UBE2V2: variants seen among roughly 807,000 people sequenced by gnomAD.
UBE2V2 encodes ubiquitin-conjugating enzyme E2 variant 2.
In UBE2V2, 9 loss-of-function variants were observed where a neutral mutation model predicts 17.2. The observed-to-expected ratio is 0.52, with a 90% CI of 0.32 to 0.91. The LOEUF (loss-of-function observed/expected upper bound fraction) is 0.91, where lower values mean the gene tolerates loss of function less well. Among genes scored for constraint, UBE2V2 ranks in the 40% least tolerant of loss-of-function variants. The pLI, the probability that UBE2V2 is intolerant of heterozygous loss-of-function variation, is 0.04. For missense variants in UBE2V2, 133 were observed against 182.6 expected, an observed-to-expected ratio of 0.73 and a Z score of 1.56; for synonymous variants, 61 against 57.5, an observed-to-expected ratio of 1.06 and a Z score of -0.28.
chr8:48,020,224 A>G (rs1248617403), intron 1 of UBE2V2, among the ~76,000 whole-genome samples: 1 of 151,932 alleles, frequency 6.6e-6, no homozygotes, highest in Non-Finnish European at 1.5e-5. Flanking sequence ...TTTTGTAGAG[A>G]TGGGGTCTCA....
chr8:48,038,070 C>G (rs1032725046), intron 1 of UBE2V2, among the ~76,000 whole-genome samples: 1 of 152,176 alleles, frequency 6.6e-6, no homozygotes, highest in Non-Finnish European at 1.5e-5. Context: ...ATGTCCTCCC[C>G]ACGCCTTTTT....
chr8:48,023,970 G>A (rs1262597246), intron 1 of UBE2V2, among the ~76,000 whole-genome samples: 1 of 152,132 alleles, frequency 6.6e-6, no homozygotes, highest in Non-Finnish European at 1.5e-5. Flanking sequence ...ATTAAAATAA[G>A]TTTGACATAT....
At chr8:48,008,355 G>A, upstream of UBE2V2, 4 of 1,416,684 alleles carry the variant, frequency 2.8e-6, no homozygotes, top group East Asian at 3.0e-5. Context: ...CCCGCCGGGG[G>A]CGGAGTCCGC....
intron 1 of UBE2V2, among the ~76,000 whole-genome samples, chr8:48,032,327 A>G (rs1275012793): frequency 6.6e-6 from 1 of 152,198 alleles, no homozygotes; most frequent in African/African-American, 2.4e-5. Context: ...TTATCTGGTA[A>G]ACCTTCATTT....
At chr8:48,008,331 C>G (rs45567136), upstream of UBE2V2, 5 of 1,317,752 alleles carry the variant, frequency 3.8e-6, no homozygotes, top group Non-Finnish European at 3.9e-6. Context: ...CGCTGTCCCT[C>G]GGGTCGCCCC....
At chr8:48,027,800 C>G (rs2091355310) in intron 1 of UBE2V2, among the ~76,000 whole-genome samples, 1 of 152,204 alleles carries the variant, frequency 6.6e-6, no homozygotes, top group African/African-American at 2.4e-5. Context: ...GCACCTGGCC[C>G]TTTACTGGCT....
At chr8:48,056,038 G>A (rs778594426) in intron 3 of UBE2V2, among the ~76,000 whole-genome samples, 139 of 152,258 alleles carry the variant, frequency 9.1e-4, no homozygotes, top group African/African-American at 2.5e-3. Flanking sequence ...GATTACAGGC[G>A]TGAGCCACGG....
At chr8:48,022,460 C>T (rs564308298) in intron 1 of UBE2V2, among the ~76,000 whole-genome samples, 31 of 152,212 alleles carry the variant, frequency 2.0e-4, no homozygotes, top group African/African-American at 7.2e-4. Context: ...TTGCATATTC[C>T]TTTACAAATT....
intron 1 of UBE2V2, among the ~76,000 whole-genome samples, chr8:48,015,659 A>G (rs2091263454): frequency 1.3e-5 from 2 of 151,966 alleles, no homozygotes; most frequent in South Asian, 2.1e-4. Context: ...AACCCCAACC[A>G]TCCTAACCTC....
chr8:48,021,299 G>GA (rs2091303457), intron 1 of UBE2V2, among the ~76,000 whole-genome samples: 1 of 143,674 alleles, frequency 7.0e-6, no homozygotes, highest in Non-Finnish European at 1.5e-5. Flanking sequence ...GGCTGGTCTC[G>GA]AACCCTTTTT....
chr8:48,050,679 AC>A (rs1383794329), intron 3 of UBE2V2, among the ~76,000 whole-genome samples: 1 of 145,860 alleles, frequency 6.9e-6, no homozygotes, highest in Non-Finnish European at 1.5e-5. Context: ...AAAGAGCGAA[AC>A]TCCGTCTCAA....
intron 1 of UBE2V2, among the ~76,000 whole-genome samples, chr8:48,038,289 G>T (rs1318234165): frequency 6.6e-6 from 1 of 152,032 alleles, no homozygotes; most frequent in Non-Finnish European, 1.5e-5. Context: ...TTGCCCAGAG[G>T]TCATCAATAT....
chr8:47,999,029 A>G, the UBE2V2 span, among the ~76,000 whole-genome samples: 2 of 152,178 alleles, frequency 1.3e-5, no homozygotes, highest in African/African-American at 2.4e-5. Context: ...TGCTTCCCAC[A>G]ACCTTCCCCT....
At chr8:47,998,152 T>A in the UBE2V2 span, among the ~76,000 whole-genome samples, 1 of 151,938 alleles carries the variant, frequency 6.6e-6, no homozygotes, top group Non-Finnish European at 1.5e-5. Flanking sequence ...GGAGTCATGG[T>A]CTAATTTGTA....
At chr8:48,055,908 G>A (rs1166300358) in intron 3 of UBE2V2, among the ~76,000 whole-genome samples, 1 of 151,856 alleles carries the variant, frequency 6.6e-6, no homozygotes, top group Non-Finnish European at 1.5e-5. Flanking sequence ...ACAGGCGCCC[G>A]CCACCACACG....
chr8:48,054,274 C>T (rs979794186), intron 3 of UBE2V2, among the ~76,000 whole-genome samples: 3 of 152,192 alleles, frequency 2.0e-5, no homozygotes, highest in Non-Finnish European at 4.4e-5. Context: ...CTCGGGAATA[C>T]ATCTAGAAGT....
chr8:48,024,987 T>G (rs1426131869), intron 1 of UBE2V2, among the ~76,000 whole-genome samples: 1 of 151,284 alleles, frequency 6.6e-6, no homozygotes, highest in East Asian at 1.9e-4. Flanking sequence ...CGGGCTGGAG[T>G]GCAGTGGTGC....
intron 3 of UBE2V2, chr8:48,050,505 A>C (rs2154507949): frequency 6.6e-6 from 1 of 152,564 alleles, no homozygotes; most frequent in Non-Finnish European, 1.5e-5. Context: ...TGCTGGGATT[A>C]CAGGTATGAG....
At chr8:48,031,171 T>C (rs1489574470) in intron 1 of UBE2V2, among the ~76,000 whole-genome samples, 1 of 152,122 alleles carries the variant, frequency 6.6e-6, no homozygotes, top group Non-Finnish European at 1.5e-5. Flanking sequence ...ATGGTGCCAC[T>C]GCACTCCAGC....
Sources: gnomAD v4.1 joint callset for allele counts (sites outside exome capture counted in the v4.1 genomes callset) on GRCh38, gnomAD v4.1.1 for gene constraint, MANE v1.5 for transcripts, NCBI Gene and HGNC (gene_info 2026-07-23, HGNC 2026-07-21) for gene names.